NOSTRIN: variants seen among roughly 807,000 people sequenced by gnomAD.
NOSTRIN encodes the protein BM247 homolog.
Under a neutral mutation model 59.0 loss-of-function variants are expected in NOSTRIN, and 63 were observed. That is an observed-to-expected ratio of 1.07 (90% CI 0.87 to 1.32). The LOEUF is 1.32. Ranked by LOEUF, NOSTRIN falls within the 40% of genes most tolerant of loss-of-function variation. The probability of loss-of-function intolerance (pLI) is 0.00; values close to 1 mark genes in which losing one functional copy is unlikely to be tolerated. For missense variants in NOSTRIN, 512 were observed against 473.1 expected, an observed-to-expected ratio of 1.08 and a Z score of -0.76; for synonymous variants, 200 against 165.4, an observed-to-expected ratio of 1.21 and a Z score of -1.61.
intron 15 of NOSTRIN, chr2:168,863,390 G>A (rs1192708854): frequency 1.0e-6 from 1 of 984,212 alleles, no homozygotes; most frequent in Non-Finnish European, 1.2e-6. Context: ...GAAAGTTGCT[G>A]AGGAAAAGAG....
Position 168,852,285 on chromosome 2 carries a change from C to T in NOSTRIN, c.855+881C>T, listed in dbSNP as rs1435890612. 2.6e-5 allele frequency among the ~76,000 whole-genome samples: 4 copies of T among 152,078 alleles called. No homozygotes were observed. In the South Asian group the frequency reaches 6.2e-4, roughly 24 times the overall value. The stretch of plus-strand genomic sequence containing the variant: ...TCTTGAAAACCTTGGACCAGATTAT[C>T]GGAGGCTTATTTTGAGGGTACTTGA... On this transcript the variant is annotated intron_variant, in intron 10 of 15. Coordinates refer to ENST00000317647, the MANE Select transcript of NOSTRIN (RefSeq NM_001039724.4).
At chr2:168,803,650 T>C (rs1380126061) in intron 1 of NOSTRIN, among the ~76,000 whole-genome samples, 1 of 152,220 alleles carries the variant, frequency 6.6e-6, no homozygotes, top group Non-Finnish European at 1.5e-5. Flanking sequence ...AACTCATAAA[T>C]GACTAGTAAT....
At chr2:168,818,153 A>T (rs830025) in intron 2 of NOSTRIN, 251,418 of 286,220 alleles carry the variant, frequency 0.88, 110,683 homozygotes, top group East Asian at 0.97. Context: ...GCTCTATTTT[A>T]TTATTTTATG....
chr2:168,791,357 G>A (rs55980831), intron 2 of NOSTRIN, among the ~76,000 whole-genome samples: 40,714 of 152,090 alleles, frequency 0.27, 6,562 homozygotes, highest in African/African-American at 0.46. Flanking sequence ...ATTCCATGGT[G>A]TATATGTGCC....
chr2:168,830,684 AG>A (rs1469177303), intron 5 of NOSTRIN, among the ~76,000 whole-genome samples: 2 of 152,222 alleles, frequency 1.3e-5, no homozygotes, highest in African/African-American at 4.8e-5. Flanking sequence ...TTTAAAAGCA[AG>A]GGAAAAAGTT....
chr2:168,805,508 G>T (rs1429339178), intron 1 of NOSTRIN, among the ~76,000 whole-genome samples: 1 of 152,224 alleles, frequency 6.6e-6, no homozygotes, highest in Non-Finnish European at 1.5e-5. Flanking sequence ...CTAAGGGAAA[G>T]AATCCAATCA....
At chr2:168,824,815 T>A (rs1686968087) in intron 3 of NOSTRIN, 98 bp downstream of exon 3, 3 of 641,250 alleles carry the variant, frequency 4.7e-6, no homozygotes. Context: ...CTTGCTCTGT[T>A]ACCTGGGTTA....
At position 168,802,723 on chromosome 2, in the gene NOSTRIN, G is replaced by A. The variant is rs541982077; in HGVS notation, c.27+50G>A. ...TGCCTGCGTGTGAGGAGGGTGGAGG[G>A]TGGATTTGTATATTAATGGATTTTA... On this transcript the variant is annotated intron_variant, in intron 1 of 15. Transcript: ENST00000317647. 12 of 857,728 alleles carry A rather than the reference G, an allele frequency of 1.4e-5. No individual in the cohort carries two copies. The East Asian group carries it at 2.4e-4, about 17-fold the overall frequency. The allele number at this position is 857,728 out of a possible 1,614,324, so 53.1% of individuals were successfully genotyped here.
intron 2 of NOSTRIN, among the ~76,000 whole-genome samples, chr2:168,819,999 G>A (rs777224752): frequency 6.6e-6 from 1 of 152,152 alleles, no homozygotes. Context: ...CTGTGAATTG[G>A]GACTCCAGCT....
chr2:168,863,266 C>T (rs925571931), intron 15 of NOSTRIN: 5 of 305,140 alleles, frequency 1.6e-5, no homozygotes, highest in Non-Finnish European at 2.4e-5. Context: ...TGTCAATTTA[C>T]TGACGAGGGA....
rs113925452 is a variant in NOSTRIN, at chr2:168,833,787, C to T, written c.406-440C>T. The stretch of plus-strand genomic sequence containing the variant: ...GAGCAGAATTGTGACCCTTGCTGCA[C>T]GTTTTAAGAGAACATCTTAAAACAA... On this transcript the variant is annotated intron_variant, in intron 6 of 15. Transcript: ENST00000317647. Among the ~76,000 whole-genome samples the T allele has an allele frequency of 3.6e-3, 522 of 145,784 alleles. 4 individuals carry two copies. The highest frequency in any genetic ancestry group is 5.9e-3 in the Non-Finnish European group (393 of 67,172).
rs1270907390 is a variant in NOSTRIN at position 168,846,155 on chromosome 2, C to T, written c.630+3038C>T. 2.6e-5 allele frequency among the ~76,000 whole-genome samples: 4 copies of T among 152,114 alleles called. No individual in the cohort carries two copies. In the South Asian group the frequency reaches 6.2e-4, roughly 24 times the overall value. On this transcript the variant is annotated intron_variant, in intron 8 of 15. Transcript: ENST00000317647. ...GAAGGTCATTGACTCACATATTACT[C>T]TATGTATGCCATATTTTGTGTATGT... is the stretch of plus-strand genomic sequence containing the variant.
upstream of NOSTRIN, among the ~76,000 whole-genome samples, chr2:168,799,479 T>C (rs1446033763): frequency 1.3e-5 from 2 of 152,200 alleles, no homozygotes; most frequent in Non-Finnish European, 2.9e-5. Context: ...TGGTCTGCTC[T>C]ATCCTTCTCA....
intron 1 of NOSTRIN, among the ~76,000 whole-genome samples, chr2:168,806,999 C>A (rs1018915216): frequency 6.6e-6 from 1 of 152,180 alleles, no homozygotes; most frequent in Admixed American, 6.5e-5. Context: ...CTGATGGATT[C>A]TCTAATTGAT....
intron 8 of NOSTRIN, among the ~76,000 whole-genome samples, chr2:168,845,247 G>GCCTCA (rs1258988195): frequency 6.6e-6 from 1 of 152,132 alleles, no homozygotes; most frequent in African/African-American, 2.4e-5. Flanking sequence ...CTCTGATCTT[G>GCCTCA]CCTCACCTCA....
intron 1 of NOSTRIN, among the ~76,000 whole-genome samples, chr2:168,810,588 A>G (rs891884586): frequency 2.6e-5 from 4 of 152,208 alleles, no homozygotes. Context: ...ATGGTGCCCA[A>G]CTGAATGCTG....
At chr2:168,797,079 C>CTTTTCTTTTTTTTTT (rs1553519713), upstream of NOSTRIN, among the ~76,000 whole-genome samples, 8 of 75,056 alleles carry the variant, frequency 1.1e-4, no homozygotes, top group South Asian at 6.5e-4. Context: ...TTTCTTTTTT[C>CTTTTCTTTTTTTTTT]TTTTTTTTTT....
At chr2:168,804,888 A>G (rs1296833835) in intron 1 of NOSTRIN, among the ~76,000 whole-genome samples, 2 of 152,224 alleles carry the variant, frequency 1.3e-5, no homozygotes, top group Non-Finnish European at 2.9e-5. Flanking sequence ...TGTAACCAAT[A>G]AAAATCAGAA....
At chr2:168,824,171 T>A (rs888871004) in intron 2 of NOSTRIN, among the ~76,000 whole-genome samples, 2 of 152,226 alleles carry the variant, frequency 1.3e-5, no homozygotes, top group African/African-American at 4.8e-5. Context: ...AAAGGATCCT[T>A]GTAGTAAACA....
Sources: allele counts gnomAD v4.1 joint callset (sites outside exome capture counted in the v4.1 genomes callset), GRCh38; gene constraint gnomAD v4.1.1; transcripts MANE v1.5; gene names NCBI Gene and HGNC (gene_info 2026-07-23, HGNC 2026-07-21).